The following GLG1 variants were observed in gnomAD, a reference collection of about 807,000 sequenced individuals.
GLG1 encodes Golgi apparatus protein 1.
A neutral mutation model predicts 160.5 loss-of-function variants in GLG1; 38 were observed. The observed-to-expected ratio is 0.24, with a 90% CI of 0.18 to 0.31. GLG1 has a LOEUF of 0.31. Ranked by LOEUF, GLG1 falls within the 10% of genes least tolerant of loss-of-function variation. The probability of loss-of-function intolerance (pLI) is 1.00; values close to 1 mark genes in which losing one functional copy is unlikely to be tolerated. For synonymous variants in GLG1, 644 were observed against 543.4 expected, an observed-to-expected ratio of 1.19 and a Z score of -2.57; for missense variants, 1,373 against 1,505.2, an observed-to-expected ratio of 0.91 and a Z score of 1.45.
chr16:74,544,151 C>T (rs889364308), intron 1 of GLG1, among the ~76,000 whole-genome samples: 5 of 152,206 alleles, frequency 3.3e-5, no homozygotes, highest in South Asian at 2.1e-4. Context: ...TCTCCATTAA[C>T]GGAAAAACAA....
Position 74,496,460 on chromosome 16 carries a change from C to T in GLG1, c.959G>A (p.Arg320Gln). ...RHLYFACRDDRERFCENTQAG... is the reference protein window; with the variant it reads ...RHLYFACRDDQERFCENTQAG... ...ACTCACATTTTCACAAAAACGCTCC[C>T]GATCATCTCGGCAAGCAAAATATAA... The change falls in exon 5 of 26, where the codon CGG (arginine) becomes CAG (glutamine). Residue 320 changes from arginine to glutamine, a missense_variant. Physicochemically the swap from Arg to Gln is conservative, Grantham distance 43. Transcript: ENST00000422840. 3 of 1,613,008 alleles carry T rather than the reference C, an allele frequency of 1.9e-6. No individual in the cohort carries two copies. Among genetic ancestry groups the T allele is most frequent in the Non-Finnish European group, 2.5e-6 (3 of 1,179,068 alleles).
chr16:74,463,396 G>C lies in GLG1; in HGVS notation c.2751C>G (p.Cys917Trp). 6.2e-7 allele frequency: 1 copy of C among 1,614,022 alleles called. No individual in the cohort carries two copies. The highest frequency in any genetic ancestry group is 8.5e-7 in the Non-Finnish European group (1 of 1,179,872). Residue 917 changes from cysteine (C) to tryptophan (W), a missense_variant, in exon 20 of 26, where the codon TGC (cysteine) becomes TGG (tryptophan). Physicochemically the swap from Cys to Trp is radical, Grantham distance 215. Coordinates refer to ENST00000422840, the MANE Select transcript of GLG1 (RefSeq NM_001145667.2). ...NKNSELMDPK[C>W]KQMITKRQIT... ...TCTGGCGCTTGGTTATCATCTGTTT[G>C]CATTTGGGATCCATCAATTCACTGT...
At chr16:74,530,901 T>C (rs919182956) in intron 2 of GLG1, among the ~76,000 whole-genome samples, 16 of 152,252 alleles carry the variant, frequency 1.1e-4, no homozygotes, top group Non-Finnish European at 2.9e-5. Flanking sequence ...TTACTGTTTA[T>C]TGGACACCTT....
chr16:74,451,910 C>G lies in GLG1; in HGVS notation c.*1257G>C. 1.5e-6 allele frequency: 1 copy of G among 650,598 alleles called. No individual in the cohort carries two copies. Among genetic ancestry groups the G allele is most frequent in the Non-Finnish European group, 2.8e-6 (1 of 359,342 alleles). 40.3% of individuals were successfully genotyped at this position (650,598 alleles called of 1,614,324 possible). A position where few individuals can be genotyped will look rare whatever the true frequency, so the allele number is the denominator to read the frequency against. ...AAATACAACATTTAGCCAATGCCTA[C>G]TAGAGTGGGTACACGCAGCAAATGG... is the stretch of plus-strand genomic sequence containing the variant. On this transcript the variant is annotated 3_prime_UTR_variant, in exon 26 of 26. Transcript: ENST00000422840.
intron 1 of GLG1, among the ~76,000 whole-genome samples, chr16:74,542,927 C>T (rs1417224715): frequency 1.3e-5 from 2 of 152,128 alleles, no homozygotes; most frequent in Admixed American, 6.5e-5. Flanking sequence ...TTTGTTACTT[C>T]TATAATTTTG....
chr16:74,539,256 T>C (rs2017768040), intron 1 of GLG1, among the ~76,000 whole-genome samples: 1 of 150,970 alleles, frequency 6.6e-6, no homozygotes, highest in African/African-American at 2.4e-5. Flanking sequence ...TTATTACTTG[T>C]GTGCTTCCCA....
chr16:74,535,152 C>G (rs550818551), intron 1 of GLG1, among the ~76,000 whole-genome samples: 1 of 152,182 alleles, frequency 6.6e-6, no homozygotes, highest in Non-Finnish European at 1.5e-5. Context: ...GAGTTAAGCC[C>G]ATGAAAGTTT....
At chr16:74,591,363 T>A (rs1958180581) in intron 1 of GLG1, among the ~76,000 whole-genome samples, 1 of 149,344 alleles carries the variant, frequency 6.7e-6, no homozygotes, top group South Asian at 2.1e-4. Flanking sequence ...GCACGGTGGC[T>A]CACGCCTGTA....
In GLG1 at chr16:74,474,547, T is replaced by A; in HGVS notation, c.2051A>T (p.Glu684Val). 6.9e-7 allele frequency: 1 copy of A among 1,453,994 alleles called. No individual in the cohort carries two copies. The highest frequency in any genetic ancestry group is 9.7e-7 in the Non-Finnish European group (1 of 1,033,906). The allele number at this position is 1,453,994 out of a possible 1,614,324, so 90.1% of individuals were successfully genotyped here. A position where few individuals can be genotyped will look rare whatever the true frequency, so the allele number is the denominator to read the frequency against. ...IVGNLTELES[E>V]DIQIEALLMR... ...ATGAGTAAGCTGCATACCACTTACC[T>A]CTGATTCTAACTCAGTGAGGTTGCC... The change falls in exon 13 of 26, where the codon GAG becomes GTG. Residue 684 changes from glutamate to valine, a missense_variant and splice_region_variant. By Grantham distance (121) the Glu-to-Val change is moderately radical (BLOSUM62 -2). Around this residue, in one of 4 missense-constraint regions of GLG1, gnomAD observed 386 missense variants for 388.5 expected, o/e 0.99. Coordinates refer to ENST00000422840, the MANE Select transcript of GLG1 (RefSeq NM_001145667.2).
At chr16:74,519,734 G>A (rs1051453143) in intron 2 of GLG1, among the ~76,000 whole-genome samples, 1 of 151,952 alleles carries the variant, frequency 6.6e-6, no homozygotes. Context: ...CCCCAGAAGC[G>A]GGCACTTTCA....
chr16:74,511,601 AAGAAAG>A (rs1567493675), intron 2 of GLG1, among the ~76,000 whole-genome samples: 3 of 143,270 alleles, frequency 2.1e-5, no homozygotes, highest in Non-Finnish European at 3.0e-5. Context: ...AAAAAAAAAA[AAGAAAG>A]AAAGAAAGAA....
intron 1 of GLG1, among the ~76,000 whole-genome samples, chr16:74,605,209 T>A (rs2143930952): frequency 1.3e-5 from 2 of 150,860 alleles, no homozygotes; most frequent in Middle Eastern, 6.8e-3. Context: ...AAACCCCCAT[T>A]TCCAATTTAT....
chr16:74,538,728 A>T lies in GLG1; in HGVS notation c.439-6575T>A, dbSNP rs78954724. On this transcript the variant is annotated intron_variant, in intron 1 of 25. Transcript: ENST00000422840. Reference sequence around the variant, plus strand: ...TACAGGTCCAACGGGAGATTTTGAGATTTTTTTTTTTTTTTTTTTCTTAAA... The same window carrying T: ...TACAGGTCCAACGGGAGATTTTGAGTTTTTTTTTTTTTTTTTTTTCTTAAA... Among the ~76,000 whole-genome samples the T allele has an allele frequency of 1.1e-4, 14 of 131,174 alleles. No individual in the cohort carries two copies. In the East Asian group the frequency reaches 2.1e-3, roughly 19 times the overall value. The allele number at this position is 131,174 out of a possible 152,430, so 86.1% of individuals were successfully genotyped here.
chr16:74,452,325 T>C lies in GLG1; in HGVS notation c.*842A>G, dbSNP rs2014345873. 1 of 1,398,184 alleles carries C rather than the reference T, an allele frequency of 7.2e-7. No individual in the cohort carries two copies. Among genetic ancestry groups the C allele is most frequent in the East Asian group, 2.7e-5 (1 of 37,522 alleles). The allele number at this position is 1,398,184 out of a possible 1,614,324, so 86.6% of individuals were successfully genotyped here. ...CCTGTGCTGCCCTGGAGGAGGAAGGTTCCTGGGATCCTGCTGCCCCGGGAC... is the reference window on the plus strand; with the variant it reads ...CCTGTGCTGCCCTGGAGGAGGAAGGCTCCTGGGATCCTGCTGCCCCGGGAC... On this transcript the variant is annotated 3_prime_UTR_variant, in exon 26 of 26. Transcript: ENST00000422840.
At position 74,503,504 on chromosome 16, in the gene GLG1, T is replaced by C. The variant is rs74024675; in HGVS notation, c.774+27A>G. 84 of 1,447,614 alleles carry C rather than the reference T, an allele frequency of 5.8e-5. No individual in the cohort carries two copies. In the African/African-American group the frequency reaches 1.0e-3, roughly 18 times the overall value. The allele number at this position is 1,447,614 out of a possible 1,614,324, so 89.7% of individuals were successfully genotyped here. On this transcript the variant is annotated intron_variant, in intron 4 of 25. Coordinates refer to ENST00000422840, the MANE Select transcript of GLG1 (RefSeq NM_001145667.2). The stretch of plus-strand genomic sequence containing the variant: ...CATACACCAAATTTTAAGACCCCTT[T>C]GTTGAAGCTAACGTAGTATTAGATA...
chr16:74,504,815 T>C (rs922874969), intron 3 of GLG1, among the ~76,000 whole-genome samples: 1 of 152,206 alleles, frequency 6.6e-6, no homozygotes, highest in Non-Finnish European at 1.5e-5. Context: ...TGATTCTGCA[T>C]GGTGGTGTTC....
rs1407619681 is a variant in GLG1, at chr16:74,469,167, T to C, written c.2319-104A>G. ...CACCATTAAGAATTCAAGATGCCCT[T>C]TGGGGGAATGTCTTTCCTGTAAGGC... On this transcript the variant is annotated intron_variant, in intron 16 of 25. Coordinates refer to ENST00000422840, the MANE Select transcript of GLG1 (RefSeq NM_001145667.2). 6 of 754,132 alleles carry C rather than the reference T, an allele frequency of 8.0e-6. No individual in the cohort carries two copies. In the East Asian group the frequency reaches 1.5e-4, roughly 19 times the overall value. The allele number at this position is 754,132 out of a possible 1,614,324, so 46.7% of individuals were successfully genotyped here.
At chr16:74,504,418 G>C (rs1328970544) in intron 3 of GLG1, among the ~76,000 whole-genome samples, 2 of 152,138 alleles carry the variant, frequency 1.3e-5, no homozygotes, top group Non-Finnish European at 2.9e-5. Context: ...TTCCTGAGTA[G>C]CTAGGATTAT....
At chr16:74,515,426 G>A (rs2016947705) in intron 2 of GLG1, among the ~76,000 whole-genome samples, 1 of 152,084 alleles carries the variant, frequency 6.6e-6, no homozygotes, top group Non-Finnish European at 1.5e-5. Flanking sequence ...TGTAAAAGAG[G>A]AGAAATCACA....
Sources: gnomAD v4.1 joint callset for allele counts (sites outside exome capture counted in the v4.1 genomes callset) on GRCh38, gnomAD v4.1.1 for gene constraint, gnomAD v4.1.1 regional missense constraint, MANE v1.5 for transcripts, NCBI Gene and HGNC (gene_info 2026-07-23, HGNC 2026-07-21) for gene names.